Variants in B3GNT5 observed in about 807,000 individuals in gnomAD.
The protein encoded by B3GNT5 is UDP-GlcNAc:betaGal beta-1,3-N-acetylglucosaminyltransferase 5.
In B3GNT5, 11 loss-of-function variants were observed where a neutral mutation model predicts 25.9. The ratio of observed to expected loss-of-function variants is 0.42; its 90% CI spans 0.27 to 0.70. B3GNT5 has a LOEUF of 0.70. Ranked by LOEUF, B3GNT5 falls within the 30% of genes least tolerant of loss-of-function variation. The pLI is 0.23. For synonymous variants in B3GNT5, 166 were observed against 158.6 expected (o/e 1.05, Z -0.35); for missense variants, 385 against 458.4 (o/e 0.84, Z 1.46).
At position 183,255,501 on chromosome 3, in the gene B3GNT5, A is replaced by T. The variant is rs141126303; in HGVS notation, c.-302+2029A>T. ...CACACGCTCTGAGCATTGACTGAGC[A>T]CTCTGAGGAGGAGGCTGACTCAGGC... On this transcript the variant is annotated intron_variant, in intron 1 of 1. Coordinates refer to ENST00000326505, the MANE Select transcript of B3GNT5 (RefSeq NM_032047.5). Among the ~76,000 whole-genome samples, 9 of 152,264 alleles carry T rather than the reference A, an allele frequency of 5.9e-5. No individual in the cohort carries two copies. The East Asian group carries it at 1.7e-3, about 29-fold the overall frequency.
intron 1 of B3GNT5, among the ~76,000 whole-genome samples, chr3:183,256,524 T>C (rs971702017): frequency 6.6e-6 from 1 of 152,228 alleles, no homozygotes; most frequent in African/African-American, 2.4e-5. Context: ...CTTATTCAGA[T>C]TTCTCTTCCA....
chr3:183,260,235 G>T (rs1229269122), intron 1 of B3GNT5, among the ~76,000 whole-genome samples: 1 of 152,152 alleles, frequency 6.6e-6, no homozygotes, highest in Non-Finnish European at 1.5e-5. Context: ...AAAGGTTGTT[G>T]TAAGGCTTAA....
rs899466665 is a variant in B3GNT5, at chr3:183,271,101, CT to C, written c.*168del. ...TGATTCTAGAAGCTGTTTAATATCACTTATCTACTTCATTGCCTAAGTTCAT... is the reference window on the plus strand; with the variant it reads ...TGATTCTAGAAGCTGTTTAATATCACTATCTACTTCATTGCCTAAGTTCAT... On this transcript the variant is annotated 3_prime_UTR_variant, in exon 2 of 2. Coordinates refer to ENST00000326505, the MANE Select transcript of B3GNT5 (RefSeq NM_032047.5). 53 of 562,900 alleles carry C rather than the reference CT, an allele frequency of 9.4e-5. No homozygotes were observed. Among genetic ancestry groups the C allele is most frequent in the African/African-American group, 9.0e-4 (46 of 50,954 alleles). 34.9% of individuals were successfully genotyped at this position (562,900 alleles called of 1,614,324 possible). A position where few individuals can be genotyped will look rare whatever the true frequency, so the allele number is the denominator to read the frequency against.
intron 1 of B3GNT5, chr3:183,253,960 G>T (rs1031733937): frequency 1.2e-4 from 18 of 152,178 alleles, no homozygotes; most frequent in African/African-American, 4.1e-4. Context: ...GGCGGGATAC[G>T]TCTCCAGGCC....
At chr3:183,262,171 T>G (rs1264730376) in intron 1 of B3GNT5, among the ~76,000 whole-genome samples, 9 of 150,916 alleles carry the variant, frequency 6.0e-5, no homozygotes, top group African/African-American at 2.2e-4. Context: ...TCTTGTTTTA[T>G]GATACTTTAT....
rs925314096 is a variant in B3GNT5, at chr3:183,267,929, C to G, written c.-301-1569C>G. 6.6e-6 allele frequency among the ~76,000 whole-genome samples: 1 copy of G among 152,196 alleles called. No individual in the cohort carries two copies. The highest frequency in any genetic ancestry group is 1.5e-5 in the Non-Finnish European group (1 of 68,038). The stretch of plus-strand genomic sequence containing the variant: ...TGCACCAACATTTGGGGAATGCCTA[C>G]CAGGGGTCACACACTGAGCTGGATG... On this transcript the variant is annotated intron_variant, in intron 1 of 1. Transcript: ENST00000326505. This position sits in a 1 kb window ranked among gnomAD's most constrained non-coding sequence, Gnocchi z 5.5.
At chr3:183,260,436 C>T (rs2108415440) in intron 1 of B3GNT5, among the ~76,000 whole-genome samples, 1 of 152,292 alleles carries the variant, frequency 6.6e-6, no homozygotes, top group South Asian at 2.1e-4. Context: ...AGAATGAGCA[C>T]AGAGGGCCAA....
chr3:183,261,088 T>C (rs1344695072), intron 1 of B3GNT5, among the ~76,000 whole-genome samples: 3 of 152,228 alleles, frequency 2.0e-5, no homozygotes, highest in Non-Finnish European at 4.4e-5. Flanking sequence ...TAAATTCACA[T>C]TTCACATTGC....
At chr3:183,253,868 A>G (rs1724749549) in intron 1 of B3GNT5, 1 of 151,992 alleles carries the variant, frequency 6.6e-6, no homozygotes, top group Admixed American at 6.5e-5. Context: ...CCGCGGCCGC[A>G]TCTTTCCGCG....
Position 183,269,983 on chromosome 3 carries a change from T to G in B3GNT5, c.185T>G (p.Leu62Arg), listed in dbSNP as rs1726589194. The G allele has an allele frequency of 6.2e-7, 1 of 1,614,056 alleles. No homozygotes were observed. Among genetic ancestry groups the G allele is most frequent in the South Asian group, 1.1e-5 (1 of 91,068 alleles). The change falls in exon 2 of 2, where the codon CTG becomes CGG. Residue 62 changes from leucine (L) to arginine (R), a missense_variant. Coordinates refer to ENST00000326505, the MANE Select transcript of B3GNT5 (RefSeq NM_032047.5). ...INSYDFVNDT[L>R]SLKHTSAGPR... Reference sequence around the variant, plus strand: ...AGCTATGACTTTGTGAATGATACCCTGTCTCTTAAGCACACCTCAGCGGGG... The same window carrying G: ...AGCTATGACTTTGTGAATGATACCCGGTCTCTTAAGCACACCTCAGCGGGG...
intron 1 of B3GNT5, chr3:183,254,188 T>C (rs1228238329): frequency 1.3e-5 from 2 of 151,352 alleles, no homozygotes; most frequent in East Asian, 2.0e-4. Flanking sequence ...GGCGAGGAGG[T>C]GAGGGCACGC....
chr3:183,272,655 C>G lies in B3GNT5; in HGVS notation c.*1720C>G. 1 of 1,002,572 alleles carries G rather than the reference C, an allele frequency of 1.0e-6. No individual in the cohort carries two copies. The highest frequency in any genetic ancestry group is 4.7e-5 in the South Asian group (1 of 21,486). The allele number at this position is 1,002,572 out of a possible 1,614,324, so 62.1% of individuals were successfully genotyped here. The stretch of plus-strand genomic sequence containing the variant: ...TCAGAGTAGATACAGGGTTTTAGAT[C>G]ATTACAGTTTAAGTTTTCTGACCAA... On this transcript the variant is annotated 3_prime_UTR_variant, in exon 2 of 2. Coordinates refer to ENST00000326505, the MANE Select transcript of B3GNT5 (RefSeq NM_032047.5).
intron 1 of B3GNT5, 129 bp from the exon 2 acceptor site, chr3:183,269,365 TACTA>T (rs1176518080): frequency 1.3e-5 from 2 of 158,620 alleles, no homozygotes; most frequent in Admixed American, 1.3e-4. Flanking sequence ...CTCTGCTAAG[TACTA>T]ACTACCTCAT....
intron 1 of B3GNT5, among the ~76,000 whole-genome samples, chr3:183,258,970 T>G (rs1725337019): frequency 1.3e-5 from 2 of 152,216 alleles, no homozygotes; most frequent in Non-Finnish European, 2.9e-5. Context: ...TACACGGTAT[T>G]GTTTAGTGCA....
Position 183,272,062 on chromosome 3 carries a change from T to G in B3GNT5, c.*1127T>G. ...ATTTTTCATCAATAACTGTCAGAGG[T>G]GATCTTTATTTTCTAAATATTTCAA... is the stretch of plus-strand genomic sequence containing the variant. On this transcript the variant is annotated 3_prime_UTR_variant, in exon 2 of 2. Transcript: ENST00000326505. The G allele has an allele frequency of 1.5e-6, 1 of 678,128 alleles. No individual in the cohort carries two copies. Among genetic ancestry groups the G allele is most frequent in the Non-Finnish European group, 1.9e-6 (1 of 535,934 alleles). The allele number at this position is 678,128 out of a possible 1,614,324, so 42.0% of individuals were successfully genotyped here.
At chr3:183,254,744 C>A (rs1724880259) in intron 1 of B3GNT5, 2 of 152,300 alleles carry the variant, frequency 1.3e-5, no homozygotes, top group Admixed American at 6.5e-5. Flanking sequence ...GAAGAAACCG[C>A]CAACCTGAGA....
rs1277797160 is a variant in B3GNT5, at chr3:183,273,184, G to A, written c.*2249G>A. 8.2e-6 allele frequency: 4 copies of A among 488,696 alleles called. No homozygotes were observed. The highest frequency in any genetic ancestry group is 3.5e-5 in the East Asian group (1 of 28,552). 30.3% of individuals were successfully genotyped at this position (488,696 alleles called of 1,614,324 possible). On this transcript the variant is annotated 3_prime_UTR_variant, in exon 2 of 2. Coordinates refer to ENST00000326505, the MANE Select transcript of B3GNT5 (RefSeq NM_032047.5). ...GGAAAATAAACTATCAGCTTGGATG[G>A]TCACTTGAATAGAAGATGGTTATAC...
chr3:183,256,677 G>C (rs1007677052), intron 1 of B3GNT5, among the ~76,000 whole-genome samples: 2 of 152,148 alleles, frequency 1.3e-5, no homozygotes, highest in Non-Finnish European at 2.9e-5. Context: ...TGACTCTTTT[G>C]CTCCTTTCCT....
chr3:183,266,243 C>T (rs1309340154), intron 1 of B3GNT5: 1 of 152,232 alleles, frequency 6.6e-6, no homozygotes, highest in Non-Finnish European at 1.5e-5. Context: ...GAAGCTCAGA[C>T]TTGCAAACAA....
Sources: allele counts gnomAD v4.1 joint callset (sites outside exome capture counted in the v4.1 genomes callset), GRCh38; gene constraint gnomAD v4.1.1; non-coding constraint Gnocchi (gnomAD v3.1); transcripts MANE v1.5; gene names NCBI Gene and HGNC (gene_info 2026-07-23, HGNC 2026-07-21).